The following SHROOM3 variants were observed in gnomAD, a reference collection of about 807,000 sequenced individuals.
SHROOM3 encodes the protein protein Shroom3.
A neutral mutation model predicts 138.6 loss-of-function variants in SHROOM3; 47 were observed. That is an observed-to-expected ratio of 0.34 (90% CI 0.27 to 0.43). The LOEUF (loss-of-function observed/expected upper bound fraction) is 0.43, where lower values mean the gene tolerates loss of function less well. SHROOM3 is among the 20% of genes least tolerant of loss of function. The pLI, the probability that SHROOM3 is intolerant of heterozygous loss-of-function variation, is 1.00. For missense variants in SHROOM3, 2,491 were observed against 2,596.5 expected (o/e 0.96, Z 0.88); for synonymous variants, 1,062 against 1,063.3 (o/e 1.00, Z 0.02).
intron 1 of SHROOM3, among the ~76,000 whole-genome samples, chr4:76,458,203 T>C (rs1228387475): frequency 1.3e-5 from 2 of 152,228 alleles, no homozygotes; most frequent in Non-Finnish European, 2.9e-5. Flanking sequence ...TCATATATTT[T>C]TGAGTAAGAG....
chr4:76,458,867 T>C (rs1458495262), intron 1 of SHROOM3, among the ~76,000 whole-genome samples: 2 of 152,216 alleles, frequency 1.3e-5, no homozygotes, highest in African/African-American at 2.4e-5. Flanking sequence ...GAATTTTACC[T>C]ACCATAAACC....
At chr4:76,766,941 C>G (rs754821375) in intron 9 of SHROOM3, among the ~76,000 whole-genome samples, 31 of 152,212 alleles carry the variant, frequency 2.0e-4, no homozygotes, top group Non-Finnish European at 5.9e-5. Flanking sequence ...CAGGTTCTTT[C>G]CACAGAAGCC....
intron 3 of SHROOM3, among the ~76,000 whole-genome samples, chr4:76,722,239 C>A (rs1463114036): frequency 6.6e-6 from 1 of 152,060 alleles, no homozygotes; most frequent in Non-Finnish European, 1.5e-5. Context: ...TTCACAATAG[C>A]AAAGACATGG....
intron 1 of SHROOM3, among the ~76,000 whole-genome samples, chr4:76,460,827 C>CAAAAAAAAAA (rs58793404): frequency 7.6e-5 from 6 of 78,774 alleles, no homozygotes; most frequent in Admixed American, 3.8e-4. Flanking sequence ...CCCGTATCTA[C>CAAAAAAAAAA]AAAAAAAAAA....
At chr4:76,636,311 C>T (rs1376486880) in intron 2 of SHROOM3, among the ~76,000 whole-genome samples, 1 of 152,100 alleles carries the variant, frequency 6.6e-6, no homozygotes, top group African/African-American at 2.4e-5. Context: ...TACACACAGC[C>T]CTACTTGTTT....
chr4:76,440,342 C>T (rs2109963167), intron 1 of SHROOM3, among the ~76,000 whole-genome samples: 1 of 152,316 alleles, frequency 6.6e-6, no homozygotes, highest in Non-Finnish European at 1.5e-5. Context: ...AGGATTTGAA[C>T]TCATGCATTC....
chr4:76,537,477 T>C (rs534273059), intron 1 of SHROOM3, among the ~76,000 whole-genome samples: 1 of 152,244 alleles, frequency 6.6e-6, no homozygotes, highest in East Asian at 1.9e-4. Context: ...ATGTTGAGAA[T>C]ATGTTATAGG....
At chr4:76,614,033 T>TTTTGTTTG (rs71212434) in intron 2 of SHROOM3, among the ~76,000 whole-genome samples, 36 of 150,436 alleles carry the variant, frequency 2.4e-4, no homozygotes, top group African/African-American at 3.9e-4. Context: ...TCGTTTTTTG[T>TTTTGTTTG]TTTGTTTGTT....
chr4:76,523,210 A>G (rs1296727557), intron 1 of SHROOM3, among the ~76,000 whole-genome samples: 1 of 152,148 alleles, frequency 6.6e-6, no homozygotes, highest in Non-Finnish European at 1.5e-5. Context: ...TCTTCATGGG[A>G]CATTCTCTCT....
At chr4:76,547,608 A>G (rs953359054) in intron 1 of SHROOM3, among the ~76,000 whole-genome samples, 1 of 152,132 alleles carries the variant, frequency 6.6e-6, no homozygotes, top group Non-Finnish European at 1.5e-5. Flanking sequence ...AGTAGAGGAC[A>G]GACAATAAGC....
At position 76,781,593 on chromosome 4, in the gene SHROOM3, C is replaced by G. The variant is rs1458458189; in HGVS notation, c.*2416C>G. 1 of 152,204 alleles carries G rather than the reference C, an allele frequency of 6.6e-6. No homozygotes were observed. Among genetic ancestry groups the G allele is most frequent in the African/African-American group, 2.4e-5 (1 of 41,448 alleles). The allele number at this position is 152,204 out of a possible 1,614,324, so 9.4% of individuals were successfully genotyped here. On this transcript the variant is annotated 3_prime_UTR_variant, in exon 11 of 11. Transcript: ENST00000296043. ...TCTGTTATGTGAAATGGGTAAGGCA[C>G]CAAGTGAGACTTTGAAATCTAATTT...
chr4:76,774,017 A>G (rs1722460586), intron 10 of SHROOM3, among the ~76,000 whole-genome samples: 1 of 152,198 alleles, frequency 6.6e-6, no homozygotes, highest in African/African-American at 2.4e-5. Flanking sequence ...GCTCATTTTA[A>G]TAGTCTAAAC....
At chr4:76,643,947 C>T (rs1735748979) in intron 2 of SHROOM3, among the ~76,000 whole-genome samples, 5 of 151,576 alleles carry the variant, frequency 3.3e-5, no homozygotes, top group African/African-American at 1.2e-4. Context: ...TGGGTTCAAG[C>T]CATTCTCCTG....
At chr4:76,763,132 T>C (rs886637471) in intron 9 of SHROOM3, among the ~76,000 whole-genome samples, 2 of 152,130 alleles carry the variant, frequency 1.3e-5, no homozygotes, top group Admixed American at 6.5e-5. Flanking sequence ...ACACCTGTAA[T>C]CCCAGCACTT....
chr4:76,649,962 G>T (rs780908158), intron 2 of SHROOM3, among the ~76,000 whole-genome samples: 3 of 152,196 alleles, frequency 2.0e-5, no homozygotes, highest in Non-Finnish European at 4.4e-5. Context: ...CAAGGTGCTT[G>T]CAGAATTCAA....
chr4:76,547,202 G>A (rs1733239619), intron 1 of SHROOM3, among the ~76,000 whole-genome samples: 1 of 152,242 alleles, frequency 6.6e-6, no homozygotes, highest in Non-Finnish European at 1.5e-5. Context: ...GGCAGGACAA[G>A]TGAAGTGTTA....
chr4:76,489,451 C>T (rs1338731418), intron 1 of SHROOM3, among the ~76,000 whole-genome samples: 2 of 152,232 alleles, frequency 1.3e-5, no homozygotes, highest in Non-Finnish European at 2.9e-5. Context: ...TTAAAAATTA[C>T]AGATGCAATC....
chr4:76,740,935 G>T lies in SHROOM3; in HGVS notation c.2762G>T (p.Ser921Ile). 1 of 1,497,370 alleles carries T rather than the reference G, an allele frequency of 6.7e-7. No homozygotes were observed. The highest frequency in any genetic ancestry group is 8.9e-7 in the Non-Finnish European group (1 of 1,126,594). 92.8% of individuals were successfully genotyped at this position (1,497,370 alleles called of 1,614,324 possible). Residue 921 changes from serine (S) to isoleucine (I), a missense_variant, in exon 5 of 11, where the codon AGC becomes ATC. Around this residue, in one of 4 missense-constraint regions of SHROOM3, gnomAD observed 1,733 missense variants for 1,661.6 expected, o/e 1.04. Transcript: ENST00000296043. This position sits in a 1 kb window ranked among gnomAD's most constrained non-coding sequence, Gnocchi z 4.0. ...PESPLLDAPF[S>I]RAYRNSIKDA... is the part of the protein sequence containing the mutation. ...TCGCCCCTGCTGGATGCCCCCTTCA[G>T]CCGCGCCTACCGGAACAGCATCAAG...
At chr4:76,733,779 CAGGCGTAAG>C (rs1473918379) in intron 4 of SHROOM3, among the ~76,000 whole-genome samples, 1 of 151,902 alleles carries the variant, frequency 6.6e-6, no homozygotes, top group Non-Finnish European at 1.5e-5. Flanking sequence ...TGTTAAGAAG[CAGGCGTAAG>C]AGGGGGTGAG....
Sources: gnomAD v4.1 joint callset for allele counts (sites outside exome capture counted in the v4.1 genomes callset) on GRCh38, gnomAD v4.1.1 for gene constraint, gnomAD v4.1.1 regional missense constraint, Gnocchi (gnomAD v3.1) non-coding constraint, MANE v1.5 for transcripts, NCBI Gene and HGNC (gene_info 2026-07-23, HGNC 2026-07-21) for gene names.